The following MYT1 variants were observed in gnomAD, a reference collection of about 807,000 sequenced individuals.
MYT1 encodes myelin transcription factor 1, also known as myelin transcription factor I.
In MYT1, 23 loss-of-function variants were observed where a neutral mutation model predicts 123.0. The observed-to-expected ratio is 0.19, with a 90% CI of 0.13 to 0.26. The LOEUF (loss-of-function observed/expected upper bound fraction) is 0.26. Ranked by LOEUF, MYT1 falls within the 10% of genes least tolerant of loss-of-function variation. MYT1 has a pLI of 1.00. For missense variants in MYT1, 1,125 were observed against 1,472.5 expected, an observed-to-expected ratio of 0.76 and a Z score of 3.86; for synonymous variants, 518 against 575.3, an observed-to-expected ratio of 0.90 and a Z score of 1.43.
rs920677199 is a variant in MYT1, at chr20:64,168,332, A to C, written c.-99+3593A>C. On this transcript the variant is annotated intron_variant, in intron 1 of 22. Coordinates refer to ENST00000328439, the MANE Select transcript of MYT1 (RefSeq NM_004535.3). This position sits in a 1 kb window ranked among gnomAD's most constrained non-coding sequence, Gnocchi z 6.1. ...TGGAACTAACCAGATACAAGTGTGG[A>C]GTCTTTTCTCCCCAGGGTTAATGCC... Among the ~76,000 whole-genome samples, 1 of 152,184 alleles carries C rather than the reference A, an allele frequency of 6.6e-6. No individual in the cohort carries two copies. The highest frequency in any genetic ancestry group is 1.5e-5 in the Non-Finnish European group (1 of 68,024).
At chr20:64,225,129 C>T (rs1222086020) in intron 16 of MYT1, among the ~76,000 whole-genome samples, 1 of 152,218 alleles carries the variant, frequency 6.6e-6, no homozygotes, top group Non-Finnish European at 1.5e-5. Flanking sequence ...GGGGCCTTTC[C>T]ATGGGAGGCC....
intron 1 of MYT1, among the ~76,000 whole-genome samples, chr20:64,181,992 CCCAGGAGTCTACTGTG>C: frequency 6.6e-6 from 1 of 152,256 alleles, no homozygotes; most frequent in East Asian, 1.9e-4. Flanking sequence ...GCTGTGGTCC[CCCAGGAGTCTACTGTG>C]ACCTGTGACT....
rs769879768 is a variant in MYT1 at position 64,207,889 on chromosome 20, C to G, written c.693C>G (p.Arg231=). 5 of 1,613,080 alleles carry G rather than the reference C, an allele frequency of 3.1e-6. No individual in the cohort carries two copies. The Admixed American group carries it at 8.3e-5, about 27-fold the overall frequency. ...AGGTCGTCGAAGTCACCACCGAGCG[C>G]TCCCAGGACCTGTGTCCCCAGTCCC... ...AEEVVEVTTE[R]SQDLCPQSLE... The change falls in exon 7 of 23, where the codon CGC becomes CGG. Residue 231 remains arginine (R), a synonymous_variant. Transcript: ENST00000328439.
chr20:64,227,763 G>T (rs1002097792), intron 17 of MYT1, 125 bp from the exon 18 acceptor site: 1 of 846,884 alleles, frequency 1.2e-6, no homozygotes. Flanking sequence ...TGACCCATCG[G>T]TTGCCCTCAC....
intron 1 of MYT1, among the ~76,000 whole-genome samples, chr20:64,181,911 G>A (rs775420740): frequency 2.0e-5 from 3 of 152,216 alleles, no homozygotes; most frequent in Non-Finnish European, 4.4e-5. Flanking sequence ...ATGTCTGGGG[G>A]TGTAGCCTGG....
rs1486147890 is a variant in MYT1 at position 64,212,962 on chromosome 20, G to A, written c.1518-572G>A. Among the ~76,000 whole-genome samples, 1 of 152,212 alleles carries A rather than the reference G, an allele frequency of 6.6e-6. No individual in the cohort carries two copies. On this transcript the variant is annotated intron_variant, in intron 9 of 22. Transcript: ENST00000328439. The surrounding 1 kb of genome is among the most constrained non-coding windows in gnomAD (Gnocchi z 6.8). The stretch of plus-strand genomic sequence containing the variant: ...GTTCCCCATTACGTCACCTCCCTGG[G>A]CTGGCTGAGGGACTGGCGCTGGAGC...
chr20:64,204,982 CTG>C (rs1382337367), intron 4 of MYT1, 51 bp from the exon 5 acceptor site: 1 of 1,584,118 alleles, frequency 6.3e-7, no homozygotes, highest in African/African-American at 1.3e-5. Context: ...GCGACAGGCT[CTG>C]AGATCTGAGC....
chr20:64,199,415 G>A (rs1414708564), intron 3 of MYT1, among the ~76,000 whole-genome samples: 1 of 152,180 alleles, frequency 6.6e-6, no homozygotes, highest in Non-Finnish European at 1.5e-5. Flanking sequence ...AGCATCTCAG[G>A]TGTGCCTGCC....
chr20:64,205,388 C>T (rs1056696324), intron 5 of MYT1, among the ~76,000 whole-genome samples, 165 bp from the exon 6 acceptor site: 2 of 152,198 alleles, frequency 1.3e-5, no homozygotes, highest in Non-Finnish European at 2.9e-5. Context: ...GACCATCTGA[C>T]CCCCTAGTGC....
chr20:64,227,314 A>G (rs972861242), intron 16 of MYT1, 101 bp from the exon 17 acceptor site: 2 of 1,117,476 alleles, frequency 1.8e-6, no homozygotes, highest in Non-Finnish European at 2.6e-6. Context: ...GGGCGCACTC[A>G]AGGGCTGAGC....
Position 64,186,018 on chromosome 20 carries a change from GC to G in MYT1, c.-98-4044del, listed in dbSNP as rs1982789713. ...TTCATTAGGAGAAGACAGACGGGGGGCTACAGCTCAGCACTGCACATCTCCC... is the reference window on the plus strand; with the variant it reads ...TTCATTAGGAGAAGACAGACGGGGGGTACAGCTCAGCACTGCACATCTCCC... On this transcript the variant is annotated intron_variant, in intron 1 of 22. Transcript: ENST00000328439. This position sits in a 1 kb window ranked among gnomAD's most constrained non-coding sequence, Gnocchi z 4.3. Among the ~76,000 whole-genome samples the G allele has an allele frequency of 2.0e-5, 3 of 152,296 alleles. No individual in the cohort carries two copies. The South Asian group carries it at 6.2e-4, about 32-fold the overall frequency.
chr20:64,182,836 G>A (rs1982692452), intron 1 of MYT1, among the ~76,000 whole-genome samples: 1 of 152,230 alleles, frequency 6.6e-6, no homozygotes, highest in African/African-American at 2.4e-5. Context: ...AGAGTCCCCA[G>A]AGTGTCTCAC....
At chr20:64,225,027 C>T (rs917083473) in intron 16 of MYT1, among the ~76,000 whole-genome samples, 9 of 152,188 alleles carry the variant, frequency 5.9e-5, no homozygotes, top group Non-Finnish European at 1.3e-4. Flanking sequence ...AAAAGCCTCC[C>T]CTGTGTGAAA....
chr20:64,195,400 A>AATTTT (rs1568704696), intron 2 of MYT1, among the ~76,000 whole-genome samples: 1 of 7,824 alleles, frequency 1.3e-4, no homozygotes, highest in African/African-American at 8.5e-4. Flanking sequence ...GTGTGTGTAT[A>AATTTT]CTTTTTTTTT....
At chr20:64,227,865 CT>C in intron 17 of MYT1, 22 bp from the exon 18 acceptor site, 3 of 1,609,060 alleles carry the variant, frequency 1.9e-6, no homozygotes, top group Non-Finnish European at 8.5e-7. Context: ...CTAAGGTGGC[CT>C]TTTTTCCTCT....
In MYT1 at chr20:64,232,549, G is replaced by A. The variant is rs1984353429; in HGVS notation, c.2897+164G>A. Among the ~76,000 whole-genome samples the A allele has an allele frequency of 6.6e-6, 1 of 152,126 alleles. No individual in the cohort carries two copies. The highest frequency in any genetic ancestry group is 6.5e-5 in the Admixed American group (1 of 15,278). ...TGGGTAGCGGATGGGGGAGGCTAGC[G>A]GGTCTGTTGGTGCCAGGTGATGCTG... is the stretch of plus-strand genomic sequence containing the variant. On this transcript the variant is annotated intron_variant, in intron 19 of 22. Coordinates refer to ENST00000328439, the MANE Select transcript of MYT1 (RefSeq NM_004535.3). The surrounding 1 kb of genome is among the most constrained non-coding windows in gnomAD (Gnocchi z 6.9).
chr20:64,232,953 C>G lies in MYT1; in HGVS notation c.2897+568C>G, dbSNP rs924973400. Among the ~76,000 whole-genome samples, 1 of 151,942 alleles carries G rather than the reference C, an allele frequency of 6.6e-6. No individual in the cohort carries two copies. The highest frequency in any genetic ancestry group is 2.4e-5 in the African/African-American group (1 of 41,342). ...CCAACTCTCGCCTGCCCTCCAACAC[C>G]TGCTCCAGAGCCGAAGGACCTTGCT... On this transcript the variant is annotated intron_variant, in intron 19 of 22. Coordinates refer to ENST00000328439, the MANE Select transcript of MYT1 (RefSeq NM_004535.3). This position sits in a 1 kb window ranked among gnomAD's most constrained non-coding sequence, Gnocchi z 6.9.
chr20:64,199,200 T>C (rs1983215731), intron 3 of MYT1, among the ~76,000 whole-genome samples: 1 of 152,156 alleles, frequency 6.6e-6, no homozygotes, highest in South Asian at 2.1e-4. Flanking sequence ...ACCATTCTGT[T>C]TGGAAATGAG....
rs1248849573 is a variant in MYT1 at position 64,218,704 on chromosome 20, C to T, written c.1847-207C>T. On this transcript the variant is annotated intron_variant, in intron 11 of 22. Coordinates refer to ENST00000328439, the MANE Select transcript of MYT1 (RefSeq NM_004535.3). The surrounding 1 kb of genome is among the most constrained non-coding windows in gnomAD (Gnocchi z 4.0). ...TGGGACGGGTGGCCAAGCCCCTGGCCCACTTCGATATAGCTGTGCCCTGGG... is the reference window on the plus strand; with the variant it reads ...TGGGACGGGTGGCCAAGCCCCTGGCTCACTTCGATATAGCTGTGCCCTGGG... The T allele has an allele frequency of 3.0e-6, 2 of 670,644 alleles. No homozygotes were observed. The highest frequency in any genetic ancestry group is 5.2e-6 in the Non-Finnish European group (2 of 386,850). The allele number at this position is 670,644 out of a possible 1,614,324, so 41.5% of individuals were successfully genotyped here.
Sources: gnomAD v4.1 joint callset for allele counts (sites outside exome capture counted in the v4.1 genomes callset) on GRCh38, gnomAD v4.1.1 for gene constraint, Gnocchi (gnomAD v3.1) non-coding constraint, MANE v1.5 for transcripts, NCBI Gene and HGNC (gene_info 2026-07-23, HGNC 2026-07-21) for gene names.